Variants in DLG2 observed in about 807,000 individuals in gnomAD.
DLG2 encodes discs large MAGUK scaffold protein 2.
DLG2 carries 45 observed loss-of-function variants against 132.5 expected under a neutral mutation model. The observed-to-expected ratio is 0.34, with a 90% CI of 0.27 to 0.44. The LOEUF is 0.44. DLG2 is among the 20% of genes least tolerant of loss of function. The pLI is 1.00. For synonymous variants in DLG2, 424 were observed against 419.6 expected (o/e 1.01, Z -0.13); for missense variants, 1,045 against 1,196.9 (o/e 0.87, Z 1.87).
At chr11:83,656,123 A>C (rs942583993) in intron 18 of DLG2, among the ~76,000 whole-genome samples, 4 of 152,232 alleles carry the variant, frequency 2.6e-5, no homozygotes, top group Non-Finnish European at 4.4e-5. Context: ...GAGAACTCAG[A>C]AATGTTAACA....
At chr11:84,373,262 AAAC>A (rs1211279516) in intron 7 of DLG2, among the ~76,000 whole-genome samples, 7 of 61,742 alleles carry the variant, frequency 1.1e-4, no homozygotes, top group South Asian at 4.8e-4. Context: ...AAAAAAAAAA[AAAC>A]AAAACAAAAA....
Position 83,532,788 on chromosome 11 carries a change from A to G in DLG2, c.2118-5T>C, listed in dbSNP as rs1257362576. ...GCACGTTCCTTTCTTTCCACCCTAA[A>G]GCAAATTGAGAATAAAGAGTCTCTC... On this transcript the variant is annotated splice_region_variant and splice_polypyrimidine_tract_variant and intron_variant, in intron 20 of 27. Transcript: ENST00000376104. 3 of 1,611,316 alleles carry G rather than the reference A, an allele frequency of 1.9e-6. No homozygotes were observed. Among genetic ancestry groups the G allele is most frequent in the Non-Finnish European group, 2.5e-6 (3 of 1,178,506 alleles).
chr11:83,972,059 C>T (rs936219127), intron 12 of DLG2, among the ~76,000 whole-genome samples: 14 of 151,900 alleles, frequency 9.2e-5, no homozygotes, highest in African/African-American at 4.8e-5. Flanking sequence ...ACACACACAG[C>T]AGCATCTCAT....
chr11:84,999,440 C>A (rs660860), intron 6 of DLG2, among the ~76,000 whole-genome samples: 23,581 of 152,044 alleles, frequency 0.16, 1,997 homozygotes, highest in East Asian at 0.29. Context: ...TTTAGATATC[C>A]TTCACAAAAA....
At chr11:83,706,228 A>AC (rs915233728) in intron 18 of DLG2, among the ~76,000 whole-genome samples, 1 of 151,762 alleles carries the variant, frequency 6.6e-6, no homozygotes, top group African/African-American at 2.4e-5. Flanking sequence ...AAAAAAAAAA[A>AC]AAACATTTTA....
chr11:84,713,554 G>A (rs750926885), intron 6 of DLG2, among the ~76,000 whole-genome samples: 25 of 152,004 alleles, frequency 1.6e-4, no homozygotes, highest in Non-Finnish European at 2.4e-4. Flanking sequence ...CAATATAGTC[G>A]TGAGACTCCT....
chr11:84,233,439 T>C (rs1329742496), intron 8 of DLG2, among the ~76,000 whole-genome samples: 1 of 152,188 alleles, frequency 6.6e-6, no homozygotes, highest in African/African-American at 2.4e-5. Flanking sequence ...CACAGGGGAA[T>C]GCTGGCAGCT....
chr11:85,583,351 C>CTGTTGT (rs142014047), intron 3 of DLG2, among the ~76,000 whole-genome samples: 1 of 148,396 alleles, frequency 6.7e-6, no homozygotes, highest in Admixed American at 6.7e-5. Flanking sequence ...GTTGTTGCTC[C>CTGTTGT]TGTTGTTGTT....
rs146362468 is a variant in DLG2, at chr11:85,470,521, G to A, written c.40+128136C>T. On this transcript the variant is annotated intron_variant, in intron 3 of 27. Transcript: ENST00000376104. ...GTGGATCACTTGAGATCAGGAGTTC[G>A]AGACCAGCCTGGCCCACATGGTGAA... Among the ~76,000 whole-genome samples, 326 of 152,212 alleles carry A rather than the reference G, an allele frequency of 2.1e-3. 1 individual carries two copies. Among genetic ancestry groups the A allele is most frequent in the African/African-American group, 7.5e-3 (312 of 41,536 alleles).
At chr11:84,380,649 A>C (rs1007081915) in intron 7 of DLG2, among the ~76,000 whole-genome samples, 4 of 151,938 alleles carry the variant, frequency 2.6e-5, no homozygotes, top group African/African-American at 9.7e-5. Flanking sequence ...ACCAATAAGC[A>C]AAGTCTCCAA....
intron 18 of DLG2, among the ~76,000 whole-genome samples, chr11:83,767,498 C>A (rs975877925): frequency 2.6e-5 from 4 of 152,116 alleles, no homozygotes; most frequent in African/African-American, 7.2e-5. Context: ...TATCATTTTA[C>A]AATAAAAAGG....
chr11:83,587,269 A>G (rs1045468843), intron 19 of DLG2, among the ~76,000 whole-genome samples: 16 of 149,876 alleles, frequency 1.1e-4, no homozygotes, highest in African/African-American at 3.9e-4. Context: ...TGAATTTGCT[A>G]CTTTTTTTTT....
At chr11:83,701,450 C>T (rs1006063208) in intron 18 of DLG2, among the ~76,000 whole-genome samples, 3 of 152,124 alleles carry the variant, frequency 2.0e-5, no homozygotes, top group Admixed American at 6.6e-5. Context: ...ATTCATCCAT[C>T]CATTAAACCA....
intron 17 of DLG2, among the ~76,000 whole-genome samples, chr11:83,792,199 A>G (rs1244145648): frequency 6.6e-6 from 1 of 152,132 alleles, no homozygotes; most frequent in Non-Finnish European, 1.5e-5. Context: ...GAACACTTAT[A>G]AAAGTGTTTC....
intron 4 of DLG2, among the ~76,000 whole-genome samples, chr11:85,256,533 C>T (rs946712619): frequency 2.0e-5 from 3 of 152,178 alleles, no homozygotes; most frequent in Non-Finnish European, 4.4e-5. Context: ...TAAAAAAGCA[C>T]ACTGTAACAC....
intron 14 of DLG2, among the ~76,000 whole-genome samples, chr11:83,946,305 T>C (rs1424064064): frequency 6.6e-6 from 1 of 152,142 alleles, no homozygotes; most frequent in Non-Finnish European, 1.5e-5. Context: ...GGTAATATGA[T>C]TTTCTGAGGT....
chr11:83,911,984 GA>G (rs138378637), intron 15 of DLG2, among the ~76,000 whole-genome samples: 6 of 150,600 alleles, frequency 4.0e-5, no homozygotes, highest in East Asian at 1.9e-4. Context: ...TAGAGCAATG[GA>G]AAAAAAAGAA....
At chr11:84,614,321 G>A (rs546446294) in intron 6 of DLG2, among the ~76,000 whole-genome samples, 5 of 152,234 alleles carry the variant, frequency 3.3e-5, no homozygotes, top group South Asian at 2.1e-4. Context: ...AAGAGGTAAC[G>A]TCTGAGCTGA....
intron 6 of DLG2, among the ~76,000 whole-genome samples, chr11:84,738,362 T>A (rs1243032125): frequency 6.6e-6 from 1 of 151,996 alleles, no homozygotes; most frequent in Non-Finnish European, 1.5e-5. Context: ...CCTTAGTTGG[T>A]GCCAGAGAGG....
Sources: gnomAD v4.1 joint callset for allele counts (sites outside exome capture counted in the v4.1 genomes callset) on GRCh38, gnomAD v4.1.1 for gene constraint, MANE v1.5 for transcripts, NCBI Gene and HGNC (gene_info 2026-07-23, HGNC 2026-07-21) for gene names.